Variants in NRXN3 observed in about 807,000 individuals in gnomAD.
The protein encoded by NRXN3 is neurexin III.
NRXN3 carries 32 observed loss-of-function variants against 137.6 expected under a neutral mutation model. The ratio of observed to expected loss-of-function variants is 0.23; its 90% CI spans 0.18 to 0.31. The LOEUF is 0.31. Ranked by LOEUF, NRXN3 falls within the 10% of genes least tolerant of loss-of-function variation. NRXN3 has a pLI of 1.00. For synonymous variants in NRXN3, 798 were observed against 784.5 expected (o/e 1.02, Z -0.29); for missense variants, 1,574 against 2,062.5 (o/e 0.76, Z 4.59).
chr14:78,497,686 T>TTG (rs2095810326), intron 4 of NRXN3, among the ~76,000 whole-genome samples: 1 of 152,110 alleles, frequency 6.6e-6, no homozygotes. Flanking sequence ...AGGGACTATT[T>TTG]TGTGTCAAGT....
chr14:79,158,516 A>G (rs2060465277), intron 15 of NRXN3, among the ~76,000 whole-genome samples: 1 of 151,802 alleles, frequency 6.6e-6, no homozygotes, highest in Admixed American at 6.6e-5. Context: ...AAATGTACTT[A>G]TTTCACCTAC....
At chr14:79,807,487 A>G (rs924123587) in intron 20 of NRXN3, among the ~76,000 whole-genome samples, 3 of 152,088 alleles carry the variant, frequency 2.0e-5, no homozygotes, top group Non-Finnish European at 2.9e-5. Flanking sequence ...ATATATTGCT[A>G]TTTGTTATGA....
chr14:78,395,790 AT>A (rs1406363610), intron 4 of NRXN3, among the ~76,000 whole-genome samples: 1 of 151,988 alleles, frequency 6.6e-6, no homozygotes, highest in Non-Finnish European at 1.5e-5. Flanking sequence ...TGTATTTGAT[AT>A]TAATAGAGCC....
chr14:78,448,710 C>T (rs1242013187), intron 4 of NRXN3, among the ~76,000 whole-genome samples: 2 of 152,120 alleles, frequency 1.3e-5, no homozygotes, highest in Non-Finnish European at 2.9e-5. Flanking sequence ...CCTGGGGATC[C>T]CCAAAGTTGG....
intron 10 of NRXN3, among the ~76,000 whole-genome samples, chr14:78,951,557 C>T (rs1019954791): frequency 6.6e-6 from 1 of 152,094 alleles, no homozygotes; most frequent in African/African-American, 2.4e-5. Context: ...CATCGTATTA[C>T]CCTGCCTTAT....
intron 4 of NRXN3, among the ~76,000 whole-genome samples, chr14:78,542,403 C>A (rs2096598810): frequency 1.3e-5 from 2 of 152,204 alleles, no homozygotes; most frequent in Non-Finnish European, 2.9e-5. Context: ...TGGCAGATGC[C>A]CCTCCCCCAG....
At chr14:78,808,537 C>T (rs2098891215) in intron 9 of NRXN3, among the ~76,000 whole-genome samples, 1 of 152,146 alleles carries the variant, frequency 6.6e-6, no homozygotes, top group Non-Finnish European at 1.5e-5. Flanking sequence ...GCCATCACCT[C>T]TTCCTCCCTC....
chr14:78,236,579 G>A (rs557411540), intron 1 of NRXN3, among the ~76,000 whole-genome samples: 112 of 152,274 alleles, frequency 7.4e-4, no homozygotes, highest in African/African-American at 2.6e-3. Context: ...ATTTCTGTTC[G>A]TGTATACCTA....
chr14:79,399,479 T>C (rs1415982654), intron 15 of NRXN3, among the ~76,000 whole-genome samples: 1 of 152,160 alleles, frequency 6.6e-6, no homozygotes, highest in East Asian at 1.9e-4. Context: ...GACTATTCAC[T>C]GTGGGGCCAG....
At chr14:78,263,620 A>T (rs559333007) in intron 2 of NRXN3, among the ~76,000 whole-genome samples, 2 of 151,996 alleles carry the variant, frequency 1.3e-5, no homozygotes, top group East Asian at 3.9e-4. Flanking sequence ...AACAAGATCA[A>T]TTCTGCTCCA....
intron 4 of NRXN3, among the ~76,000 whole-genome samples, chr14:78,377,418 T>TAAAAAGAGAAATAGACA (rs1444402390): frequency 6.6e-6 from 1 of 152,180 alleles, no homozygotes; most frequent in Admixed American, 6.5e-5. Context: ...ACAAATAGAC[T>TAAAAAGAGAAATAGACA]AAAAAGAGAA....
intron 16 of NRXN3, among the ~76,000 whole-genome samples, chr14:79,497,284 C>G (rs2096776126): frequency 2.0e-5 from 3 of 152,080 alleles, no homozygotes; most frequent in Admixed American, 2.0e-4. Context: ...ACCATAATCC[C>G]CCATGAACCA....
intron 17 of NRXN3, among the ~76,000 whole-genome samples, chr14:79,668,901 T>C (rs1453792367): frequency 2.0e-5 from 3 of 152,100 alleles, no homozygotes; most frequent in African/African-American, 7.2e-5. Flanking sequence ...TTTTGTAATT[T>C]AGACAGTATA....
chr14:79,062,189 G>T lies in NRXN3; in HGVS notation c.3262+74048G>T, dbSNP rs1202715516. On this transcript the variant is annotated intron_variant, in intron 15 of 20. Coordinates refer to ENST00000335750, the MANE Select transcript of NRXN3 (RefSeq NM_001330195.2). ...TTTTGATCCCTGGAATTAATTACAT[G>T]CAAAGATTTTCATTGCTTGGAGCAG... Among the ~76,000 whole-genome samples, 5 of 152,114 alleles carry T rather than the reference G, an allele frequency of 3.3e-5. No homozygotes were observed. In the South Asian group the frequency reaches 1.0e-3, roughly 32 times the overall value.
At chr14:79,531,077 C>T (rs1003435706) in intron 16 of NRXN3, among the ~76,000 whole-genome samples, 13 of 152,210 alleles carry the variant, frequency 8.5e-5, no homozygotes, top group Admixed American at 7.9e-4. Flanking sequence ...GAATTCAACC[C>T]TCTAGTCCCA....
At chr14:79,263,664 G>C (rs1205848703) in intron 15 of NRXN3, among the ~76,000 whole-genome samples, 1 of 152,092 alleles carries the variant, frequency 6.6e-6, no homozygotes, top group Non-Finnish European at 1.5e-5. Flanking sequence ...AGTAATAAAT[G>C]GTTCTTCAAC....
chr14:79,689,017 T>A (rs2098706035), intron 17 of NRXN3, among the ~76,000 whole-genome samples: 1 of 152,112 alleles, frequency 6.6e-6, no homozygotes, highest in African/African-American at 2.4e-5. Context: ...TTGTATAATT[T>A]ATAGATTTCT....
At chr14:78,851,340 C>G (rs2099042004) in intron 10 of NRXN3, among the ~76,000 whole-genome samples, 1 of 152,164 alleles carries the variant, frequency 6.6e-6, no homozygotes, top group South Asian at 2.1e-4. Flanking sequence ...TGTCACTGAA[C>G]TTGAAATTGG....
At chr14:78,656,381 GA>G (rs1690031929) in intron 6 of NRXN3, among the ~76,000 whole-genome samples, 1 of 152,080 alleles carries the variant, frequency 6.6e-6, no homozygotes, top group African/African-American at 2.4e-5. Flanking sequence ...GAAGCATGGG[GA>G]AAGAGGTGCT....
Sources: allele counts gnomAD v4.1 joint callset (sites outside exome capture counted in the v4.1 genomes callset), GRCh38; gene constraint gnomAD v4.1.1; transcripts MANE v1.5; gene names NCBI Gene and HGNC (gene_info 2026-07-23, HGNC 2026-07-21).